The following MYO18B variants were observed in gnomAD, a reference collection of about 807,000 sequenced individuals.
The protein encoded by MYO18B is unconventional myosin-XVIIIb.
In MYO18B, 204 loss-of-function variants were observed where a neutral mutation model predicts 273.0. The observed-to-expected ratio is 0.75, with a 90% CI of 0.67 to 0.84. The LOEUF (loss-of-function observed/expected upper bound fraction) is 0.84. Ranked by LOEUF, MYO18B falls within the 40% of genes least tolerant of loss-of-function variation. The pLI is 0.00. For synonymous variants in MYO18B, 1,330 were observed against 1,305.7 expected, an observed-to-expected ratio of 1.02 and a Z score of -0.40; for missense variants, 3,212 against 3,287.6, an observed-to-expected ratio of 0.98 and a Z score of 0.56.
chr22:25,974,866 G>A (rs1186098385), intron 39 of MYO18B, among the ~76,000 whole-genome samples: 1 of 152,192 alleles, frequency 6.6e-6, no homozygotes, highest in African/African-American at 2.4e-5. Context: ...CTGTCCCAGG[G>A]CAGTGTCTGG....
At position 26,025,983 on chromosome 22, in the gene MYO18B, C is replaced by T. The variant is rs533847793; in HGVS notation, c.6471-462C>T. Among the ~76,000 whole-genome samples, 13 of 152,292 alleles carry T rather than the reference C, an allele frequency of 8.5e-5. No homozygotes were observed. In the South Asian group the frequency reaches 2.5e-3, roughly 29 times the overall value. On this transcript the variant is annotated intron_variant, in intron 42 of 43. Transcript: ENST00000335473. ...CAATCAGGGATGTCATGGGGTATCC[C>T]GTGGAGACACATATTTGGGTCTTGA... is the stretch of plus-strand genomic sequence containing the variant.
At chr22:25,928,936 C>T (rs532322687) in intron 34 of MYO18B, among the ~76,000 whole-genome samples, 13 of 152,062 alleles carry the variant, frequency 8.5e-5, no homozygotes, top group Admixed American at 2.6e-4. Context: ...CCAAGGCGGG[C>T]GGGTCACCTG....
In MYO18B at chr22:25,856,153, C is replaced by A. The variant is rs1157302941; in HGVS notation, c.3885+4574C>A. On this transcript the variant is annotated intron_variant, in intron 21 of 43. Coordinates refer to ENST00000335473, the MANE Select transcript of MYO18B (RefSeq NM_032608.7). ...CAGCTGTACCATTTTGCATTTCCAC[C>A]AATACTGCACATGGATGGCAAGTTC... Among the ~76,000 whole-genome samples, 5 of 152,160 alleles carry A rather than the reference C, an allele frequency of 3.3e-5. No homozygotes were observed. The East Asian group carries it at 9.6e-4, about 29-fold the overall frequency.
At chr22:25,763,421 C>A in intron 3 of MYO18B, 32 bp downstream of exon 3, 2 of 1,588,650 alleles carry the variant, frequency 1.3e-6, no homozygotes, top group Non-Finnish European at 8.5e-7. Context: ...GGACCGTATG[C>A]GTTTCCATAC....
intron 34 of MYO18B, among the ~76,000 whole-genome samples, chr22:25,937,119 A>G (rs1489291396): frequency 3.3e-5 from 5 of 151,846 alleles, no homozygotes; most frequent in Admixed American, 3.3e-4. Context: ...TTGCTCTGTC[A>G]CCCAGGCGGG....
At chr22:26,060,188 A>C in the MYO18B span, among the ~76,000 whole-genome samples, 1 of 152,178 alleles carries the variant, frequency 6.6e-6, no homozygotes, top group South Asian at 2.1e-4. Context: ...GTTTTTATAT[A>C]GTTTCATCAG....
intron 13 of MYO18B, among the ~76,000 whole-genome samples, chr22:25,824,998 T>C (rs2089438056): frequency 6.7e-6 from 1 of 149,010 alleles, no homozygotes; most frequent in South Asian, 2.1e-4. Context: ...GGCACATGTA[T>C]GTGTAAACAT....
intron 39 of MYO18B, among the ~76,000 whole-genome samples, chr22:25,989,003 A>C (rs1298220775): frequency 6.6e-6 from 1 of 152,172 alleles, no homozygotes; most frequent in Non-Finnish European, 1.5e-5. Context: ...CCACTTGCTT[A>C]GTCCCAGCCG....
chr22:25,904,192 A>G (rs576389485), intron 31 of MYO18B, among the ~76,000 whole-genome samples: 1 of 152,332 alleles, frequency 6.6e-6, no homozygotes, highest in South Asian at 2.1e-4. Flanking sequence ...TCTCATTAAC[A>G]TATAAGCTTC....
At chr22:25,806,134 C>G (rs5761225) in intron 12 of MYO18B, among the ~76,000 whole-genome samples, 3,232 of 152,250 alleles carry the variant, frequency 0.021, 75 homozygotes, top group East Asian at 0.1. Flanking sequence ...AGCCATGTGA[C>G]TTCTTGGCAA....
At chr22:25,876,438 A>G (rs1469274716) in intron 24 of MYO18B, 106 bp downstream of exon 24, 3 of 1,274,222 alleles carry the variant, frequency 2.4e-6, no homozygotes, top group Non-Finnish European at 3.1e-6. Flanking sequence ...TTCTTGATCT[A>G]GGAATGCTCA....
intron 34 of MYO18B, among the ~76,000 whole-genome samples, chr22:25,938,923 T>C (rs2092612285): frequency 1.3e-5 from 2 of 152,180 alleles, no homozygotes; most frequent in South Asian, 2.1e-4. Context: ...GCTCAAGGAA[T>C]CTTCCTGTCT....
chr22:25,852,773 T>G (rs1220823275), intron 21 of MYO18B, among the ~76,000 whole-genome samples: 1 of 152,158 alleles, frequency 6.6e-6, no homozygotes, highest in South Asian at 2.1e-4. Context: ...AAGAGCATAG[T>G]TCATAAAGGG....
chr22:25,797,699 T>C (rs1490860978), intron 11 of MYO18B, among the ~76,000 whole-genome samples: 1 of 152,170 alleles, frequency 6.6e-6, no homozygotes, highest in Non-Finnish European at 1.5e-5. Flanking sequence ...AGAGCTTCCA[T>C]AAATCTGTAA....
At chr22:25,753,578 G>C (rs2086014281) in intron 1 of MYO18B, among the ~76,000 whole-genome samples, 2 of 152,180 alleles carry the variant, frequency 1.3e-5, no homozygotes, top group Admixed American at 1.3e-4. Context: ...AATAATTCTT[G>C]CTGCTGGTCG....
chr22:25,996,225 G>T (rs1198113444), intron 40 of MYO18B, among the ~76,000 whole-genome samples: 1 of 152,186 alleles, frequency 6.6e-6, no homozygotes, highest in African/African-American at 2.4e-5. Context: ...AAGTGAAAAA[G>T]TATGGCTTCC....
chr22:26,051,117 G>T, the MYO18B span, among the ~76,000 whole-genome samples: 1 of 150,724 alleles, frequency 6.6e-6, no homozygotes, highest in East Asian at 2.0e-4. Flanking sequence ...GATCAAAGCA[G>T]AAAACTACAA....
rs531818285 is a variant in MYO18B, at chr22:25,781,935, G to A, written c.2312+101G>A. On this transcript the variant is annotated intron_variant, in intron 10 of 43. Transcript: ENST00000335473. The stretch of plus-strand genomic sequence containing the variant: ...AGCTTCTGCCCAGCACTGAGAGGCC[G>A]TGGGACCCAGGGATTAGGAACATGG... 276 of 744,666 alleles carry A rather than the reference G, an allele frequency of 3.7e-4. No individual in the cohort carries two copies. The African/African-American group carries it at 4.7e-3, about 13-fold the overall frequency. The allele number at this position is 744,666 out of a possible 1,614,324, so 46.1% of individuals were successfully genotyped here. A position where few individuals can be genotyped will look rare whatever the true frequency, so the allele number is the denominator to read the frequency against.
chr22:25,750,120 G>A (rs1358295141), intron 1 of MYO18B, among the ~76,000 whole-genome samples: 1 of 152,150 alleles, frequency 6.6e-6, no homozygotes, highest in Non-Finnish European at 1.5e-5. Context: ...AGCACTTTGA[G>A]GATAGCAACA....
Sources: gnomAD v4.1 joint callset for allele counts (sites outside exome capture counted in the v4.1 genomes callset) on GRCh38, gnomAD v4.1.1 for gene constraint, MANE v1.5 for transcripts, NCBI Gene and HGNC (gene_info 2026-07-23, HGNC 2026-07-21) for gene names.